The following MYO1D variants were observed in gnomAD, a reference collection of about 807,000 sequenced individuals.
MYO1D encodes myosin ID, also known as unconventional myosin-Id.
A neutral mutation model predicts 122.0 loss-of-function variants in MYO1D; 83 were observed. The observed-to-expected ratio is 0.68, with a 90% CI of 0.57 to 0.82. The LOEUF (loss-of-function observed/expected upper bound fraction) is 0.82. MYO1D is among the 40% of genes least tolerant of loss of function. The pLI, the probability that MYO1D is intolerant of heterozygous loss-of-function variation, is 0.00. For missense variants in MYO1D, 1,157 were observed against 1,269.5 expected (o/e 0.91, Z 1.35); for synonymous variants, 464 against 446.9 (o/e 1.04, Z -0.48).
chr17:32,834,149 G>A (rs912873514), intron 1 of MYO1D, among the ~76,000 whole-genome samples: 12 of 152,254 alleles, frequency 7.9e-5, no homozygotes, highest in East Asian at 3.9e-4. Context: ...GAACTTCTCC[G>A]AAATGTAATA....
intron 21 of MYO1D, among the ~76,000 whole-genome samples, chr17:32,560,364 T>G (rs2087107902): frequency 6.6e-6 from 1 of 151,384 alleles, no homozygotes; most frequent in Admixed American, 6.6e-5. Context: ...ATATGGTAAT[T>G]GATTCATATG....
intron 21 of MYO1D, among the ~76,000 whole-genome samples, chr17:32,580,512 C>T (rs1024789793): frequency 1.3e-5 from 2 of 149,618 alleles, no homozygotes; most frequent in East Asian, 2.0e-4. Flanking sequence ...CAGGTTCAAG[C>T]GATTCTCCTG....
At position 32,876,995 on chromosome 17, in the gene MYO1D, A is replaced by G. The variant is rs1598177180; in HGVS notation, c.-123T>C. The G allele has an allele frequency of 5.0e-6, 2 of 397,210 alleles. No homozygotes were observed. Among genetic ancestry groups the G allele is most frequent in the East Asian group, 5.6e-5 (1 of 17,862 alleles). The allele number at this position is 397,210 out of a possible 1,614,324, so 24.6% of individuals were successfully genotyped here. On this transcript the variant is annotated 5_prime_UTR_variant, in exon 1 of 22. Transcript: ENST00000318217. ...GCGAGGCTACGGGGAGGGGGCGCGCACGCCGCTCGGCGGGTCCGGGCCGGA... is the reference window on the plus strand; with the variant it reads ...GCGAGGCTACGGGGAGGGGGCGCGCGCGCCGCTCGGCGGGTCCGGGCCGGA...
chr17:32,629,628 C>T (rs189974695), intron 20 of MYO1D, among the ~76,000 whole-genome samples: 35 of 151,496 alleles, frequency 2.3e-4, no homozygotes, highest in East Asian at 1.6e-3. Context: ...TCCAGCTACT[C>T]GGCTGAGGCA....
intron 12 of MYO1D, 149 bp downstream of exon 12, chr17:32,748,787 T>C: frequency 2.7e-6 from 2 of 749,452 alleles, no homozygotes; most frequent in South Asian, 3.5e-5. Context: ...AGCTATGCCA[T>C]TTTTAAGTTG....
intron 19 of MYO1D, among the ~76,000 whole-genome samples, chr17:32,641,935 A>T (rs2088206825): frequency 6.6e-6 from 1 of 152,092 alleles, no homozygotes; most frequent in East Asian, 1.9e-4. Flanking sequence ...CTTTAGTTTA[A>T]TTAGATCCCA....
intron 20 of MYO1D, among the ~76,000 whole-genome samples, chr17:32,630,397 T>C (rs748196709): frequency 2.6e-5 from 4 of 152,166 alleles, no homozygotes; most frequent in Non-Finnish European, 5.9e-5. Flanking sequence ...CACAACTGCA[T>C]AAATTACTAA....
At chr17:32,773,537 C>T (rs1198708086) in intron 4 of MYO1D, among the ~76,000 whole-genome samples, 1 of 148,558 alleles carries the variant, frequency 6.7e-6, no homozygotes, top group Non-Finnish European at 1.5e-5. Flanking sequence ...CCTACCCCCA[C>T]CCCCCGACCC....
At chr17:32,515,291 T>C (rs1163069462) in intron 21 of MYO1D, among the ~76,000 whole-genome samples, 1 of 152,160 alleles carries the variant, frequency 6.6e-6, no homozygotes, top group Non-Finnish European at 1.5e-5. Flanking sequence ...TTTTAACTTG[T>C]TATTCAGTAT....
chr17:32,872,942 T>C (rs9901793), intron 1 of MYO1D, among the ~76,000 whole-genome samples: 5,654 of 145,438 alleles, frequency 0.039, 354 homozygotes, highest in African/African-American at 0.13. Flanking sequence ...ATGATCCACC[T>C]GCCTCGGCCT....
At chr17:32,516,811 G>A (rs555456635) in intron 21 of MYO1D, among the ~76,000 whole-genome samples, 10 of 152,184 alleles carry the variant, frequency 6.6e-5, no homozygotes, top group Non-Finnish European at 1.2e-4. Flanking sequence ...GAGCAGAATG[G>A]ATCTGCTGCT....
At chr17:32,669,028 C>A (rs1383927764) in intron 16 of MYO1D, among the ~76,000 whole-genome samples, 1 of 151,992 alleles carries the variant, frequency 6.6e-6, no homozygotes, top group Non-Finnish European at 1.5e-5. Context: ...TTATGTAAAT[C>A]TCCTTTAACA....
chr17:32,667,921 C>A (rs1290905073), intron 16 of MYO1D, among the ~76,000 whole-genome samples: 2 of 152,138 alleles, frequency 1.3e-5, no homozygotes, highest in African/African-American at 2.4e-5. Flanking sequence ...GTAATTGAAC[C>A]TTTTGGTCAA....
intron 16 of MYO1D, among the ~76,000 whole-genome samples, chr17:32,709,130 A>ATCTACCGGTG (rs1184453472): frequency 6.6e-6 from 1 of 152,230 alleles, no homozygotes; most frequent in Non-Finnish European, 1.5e-5. Flanking sequence ...AAAAAGAGGA[A>ATCTACCGGTG]TCTACCGGGC....
intron 14 of MYO1D, among the ~76,000 whole-genome samples, chr17:32,730,764 T>C (rs562850756): frequency 8.5e-5 from 13 of 152,198 alleles, no homozygotes; most frequent in Non-Finnish European, 1.6e-4. Context: ...TTCAGATTCA[T>C]TGGGCTTCCT....
chr17:32,619,347 AAAGC>A (rs1193447526), intron 20 of MYO1D, among the ~76,000 whole-genome samples: 1 of 152,220 alleles, frequency 6.6e-6, no homozygotes, highest in African/African-American at 2.4e-5. Flanking sequence ...AAGGGTACAT[AAAGC>A]AAGACAAATG....
intron 1 of MYO1D, among the ~76,000 whole-genome samples, chr17:32,846,591 G>C (rs1437168614): frequency 6.6e-6 from 1 of 152,184 alleles, no homozygotes; most frequent in Non-Finnish European, 1.5e-5. Context: ...GAAGCAGACT[G>C]ATAATACAAA....
chr17:32,541,637 A>G (rs1247677537), intron 21 of MYO1D, among the ~76,000 whole-genome samples: 1 of 152,196 alleles, frequency 6.6e-6, no homozygotes, highest in Non-Finnish European at 1.5e-5. Context: ...AGAATCAGAG[A>G]GTGGTCCAGT....
Position 32,788,108 on chromosome 17 carries a change from A to T in MYO1D, c.96-7324T>A, listed in dbSNP as rs1000544098. On this transcript the variant is annotated intron_variant, in intron 1 of 21. Coordinates refer to ENST00000318217, the MANE Select transcript of MYO1D (RefSeq NM_015194.3). Reference sequence around the variant, plus strand: ...TAATGACCTCTTTTCCTTTGGGTAGATACCCAGTAGTGGGATTACTGAATC... The same window carrying T: ...TAATGACCTCTTTTCCTTTGGGTAGTTACCCAGTAGTGGGATTACTGAATC... Among the ~76,000 whole-genome samples, 16 of 152,280 alleles carry T rather than the reference A, an allele frequency of 1.1e-4. 1 individual carries two copies. The South Asian group carries it at 1.7e-3, about 16-fold the overall frequency.
Sources: allele counts gnomAD v4.1 joint callset (sites outside exome capture counted in the v4.1 genomes callset), GRCh38; gene constraint gnomAD v4.1.1; transcripts MANE v1.5; gene names NCBI Gene and HGNC (gene_info 2026-07-23, HGNC 2026-07-21).